The following GALNT1 variants were observed in gnomAD, a reference collection of about 807,000 sequenced individuals.
The protein encoded by GALNT1 is GalNAc transferase 1.
Under a neutral mutation model 65.7 loss-of-function variants are expected in GALNT1, and 17 were observed. That is an observed-to-expected ratio of 0.26 (90% CI 0.18 to 0.39). The LOEUF (loss-of-function observed/expected upper bound fraction) is 0.39, where lower values mean the gene tolerates loss of function less well. Ranked by LOEUF, GALNT1 falls within the 10% of genes least tolerant of loss-of-function variation. The probability of loss-of-function intolerance (pLI) is 1.00; values close to 1 mark genes in which losing one functional copy is unlikely to be tolerated. For missense variants in GALNT1, 460 were observed against 672.8 expected (o/e 0.68, Z 3.50); for synonymous variants, 210 against 219.7 (o/e 0.96, Z 0.39).
intron 9 of GALNT1, among the ~76,000 whole-genome samples, chr18:35,693,298 C>T (rs1188486407): frequency 6.6e-6 from 1 of 152,076 alleles, no homozygotes; most frequent in African/African-American, 2.4e-5. Context: ...TGACAATGTA[C>T]TTAGCGCGTT....
intron 3 of GALNT1, among the ~76,000 whole-genome samples, chr18:35,667,503 A>C (rs1318483260): frequency 6.6e-6 from 1 of 152,238 alleles, no homozygotes; most frequent in East Asian, 1.9e-4. Context: ...TAAAAATAAC[A>C]TAAACAATGA....
chr18:35,683,676 T>TA, intron 5 of GALNT1, 78 bp downstream of exon 5: 2 of 1,110,090 alleles, frequency 1.8e-6, no homozygotes, highest in Non-Finnish European at 2.5e-6. Context: ...ATTCTATATT[T>TA]TTTAAATAAA....
At chr18:35,652,973 C>G (rs1335362942) in intron 1 of GALNT1, among the ~76,000 whole-genome samples, 1 of 152,186 alleles carries the variant, frequency 6.6e-6, no homozygotes, top group African/African-American at 2.4e-5. Context: ...AAAGAGGCAG[C>G]TTTTCATATG....
intron 1 of GALNT1, among the ~76,000 whole-genome samples, chr18:35,605,488 CT>C (rs2046635123): frequency 1.4e-5 from 2 of 145,174 alleles, no homozygotes; most frequent in South Asian, 2.1e-4. Flanking sequence ...CAGACTCTGT[CT>C]CAAAAAAAAA....
intron 1 of GALNT1, among the ~76,000 whole-genome samples, chr18:35,620,938 T>A (rs2046843726): frequency 6.6e-6 from 1 of 152,190 alleles, no homozygotes; most frequent in South Asian, 2.1e-4. Flanking sequence ...CAGATTGCTC[T>A]CCAAAGTGGC....
rs926609204 is a variant in GALNT1 at position 35,675,698 on chromosome 18, T to A, written c.315-1893T>A. ...GCATCACTTGATTTTATTATTTTAT[T>A]TTATTTTGGTAAGGTAGCAGCTATA... On this transcript the variant is annotated intron_variant, in intron 3 of 11. Coordinates refer to ENST00000269195, the MANE Select transcript of GALNT1 (RefSeq NM_020474.4). Among the ~76,000 whole-genome samples the A allele has an allele frequency of 2.0e-5, 3 of 152,254 alleles. No homozygotes were observed. The South Asian group carries it at 6.2e-4, about 32-fold the overall frequency.
At chr18:35,647,033 T>C (rs1047914933) in intron 1 of GALNT1, among the ~76,000 whole-genome samples, 4 of 152,230 alleles carry the variant, frequency 2.6e-5, no homozygotes, top group Non-Finnish European at 4.4e-5. Context: ...TCCCATCGTA[T>C]CTCTTGTATC....
intron 11 of GALNT1, among the ~76,000 whole-genome samples, chr18:35,706,325 C>T (rs1165209394): frequency 2.0e-5 from 3 of 151,930 alleles, no homozygotes; most frequent in South Asian, 4.2e-4. Context: ...AGTGAAACCT[C>T]GTCTCTACTA....
intron 1 of GALNT1, among the ~76,000 whole-genome samples, chr18:35,625,201 G>A (rs189172851): frequency 6.7e-4 from 102 of 152,234 alleles, no homozygotes; most frequent in Admixed American, 3.2e-3. Context: ...AAAGAGTCCC[G>A]GGGAAAAGAT....
At chr18:35,647,900 G>T (rs1310276585) in intron 1 of GALNT1, among the ~76,000 whole-genome samples, 2 of 151,894 alleles carry the variant, frequency 1.3e-5, no homozygotes, top group Non-Finnish European at 2.9e-5. Context: ...ATAGGATCAG[G>T]GTTAGGCGTG....
At chr18:35,626,737 A>G (rs1405127913) in intron 1 of GALNT1, among the ~76,000 whole-genome samples, 9 of 152,188 alleles carry the variant, frequency 5.9e-5, no homozygotes, top group Admixed American at 2.0e-4. Context: ...TGTTATCCTC[A>G]GCATGTCATT....
intron 9 of GALNT1, among the ~76,000 whole-genome samples, chr18:35,693,174 C>T (rs1004139466): frequency 2.6e-5 from 4 of 152,050 alleles, no homozygotes; most frequent in Non-Finnish European, 4.4e-5. Flanking sequence ...TGAAAGAGTC[C>T]TGTCAAGGTG....
chr18:35,691,441 AT>A (rs1028172565), intron 8 of GALNT1, among the ~76,000 whole-genome samples: 1 of 152,096 alleles, frequency 6.6e-6, no homozygotes, highest in Non-Finnish European at 1.5e-5. Flanking sequence ...CAGATGTTCT[AT>A]TTTTTTTAAA....
In GALNT1 at chr18:35,581,753, C is replaced by G. The variant is rs1454676510; in HGVS notation, c.-213C>G. 7.0e-6 allele frequency: 1 copy of G among 142,610 alleles called. No homozygotes were observed. The highest frequency in any genetic ancestry group is 1.5e-5 in the Non-Finnish European group (1 of 64,776). The allele number at this position is 142,610 out of a possible 1,614,324, so 8.8% of individuals were successfully genotyped here. A position where few individuals can be genotyped will look rare whatever the true frequency, so the allele number is the denominator to read the frequency against. On this transcript the variant is annotated 5_prime_UTR_variant, in exon 1 of 12. Transcript: ENST00000269195. ...GGAGCCGCCGGCAGTGGCCGAGGAG[C>G]GCGCGGCGGACGGCGGCCCGAGAGT...
At chr18:35,613,739 G>A (rs1266923882) in intron 1 of GALNT1, among the ~76,000 whole-genome samples, 1 of 152,148 alleles carries the variant, frequency 6.6e-6, no homozygotes, top group East Asian at 1.9e-4. Context: ...AAAAGTATAG[G>A]GTAGGGAGCA....
intron 3 of GALNT1, among the ~76,000 whole-genome samples, chr18:35,673,932 A>G (rs182357984): frequency 1.3e-5 from 2 of 152,344 alleles, no homozygotes; most frequent in East Asian, 3.9e-4. Flanking sequence ...TAGATGGTAC[A>G]GCCTACTACA....
intron 1 of GALNT1, among the ~76,000 whole-genome samples, chr18:35,606,326 G>T (rs1424206528): frequency 3.9e-5 from 6 of 152,184 alleles, no homozygotes; most frequent in Non-Finnish European, 7.4e-5. Context: ...TTGGTGAAAA[G>T]AACCAGAAAT....
intron 11 of GALNT1, among the ~76,000 whole-genome samples, chr18:35,706,727 A>G (rs1449373492): frequency 6.6e-6 from 1 of 152,148 alleles, no homozygotes; most frequent in African/African-American, 2.4e-5. Flanking sequence ...CTCCCTGGGC[A>G]GAGGGAGAAG....
chr18:35,686,015 C>T (rs1000402689), intron 5 of GALNT1, among the ~76,000 whole-genome samples: 1 of 152,168 alleles, frequency 6.6e-6, no homozygotes. Flanking sequence ...CTGCAATGAG[C>T]CAAGAGTGCA....
Sources: allele counts gnomAD v4.1 joint callset (sites outside exome capture counted in the v4.1 genomes callset), GRCh38; gene constraint gnomAD v4.1.1; transcripts MANE v1.5; gene names NCBI Gene and HGNC (gene_info 2026-07-23, HGNC 2026-07-21).